NAV1: variants seen among roughly 807,000 people sequenced by gnomAD.
NAV1 encodes the protein neuron navigator 1, also known as pore membrane and/or filament interacting like protein 3.
A neutral mutation model predicts 175.2 loss-of-function variants in NAV1; 18 were observed. The ratio of observed to expected loss-of-function variants is 0.10; its 90% CI spans 0.07 to 0.15. The LOEUF is 0.15. Ranked by LOEUF, NAV1 falls within the 10% of genes least tolerant of loss-of-function variation. The probability of loss-of-function intolerance (pLI) is 1.00; values close to 1 mark genes in which losing one functional copy is unlikely to be tolerated. For missense variants in NAV1, 1,731 were observed against 2,436.6 expected (o/e 0.71, Z 6.10); for synonymous variants, 897 against 978.7 (o/e 0.92, Z 1.56).
chr1:201,637,944 T>C (rs1211551347), intron 2 of NAV1, among the ~76,000 whole-genome samples: 1 of 152,202 alleles, frequency 6.6e-6, no homozygotes, highest in Non-Finnish European at 1.5e-5. Flanking sequence ...GAAAAGCACA[T>C]GTGGGAAACA....
intron 1 of NAV1, among the ~76,000 whole-genome samples, chr1:201,554,041 T>A (rs1315999395): frequency 6.6e-6 from 1 of 152,220 alleles, no homozygotes; most frequent in Non-Finnish European, 1.5e-5. Context: ...AACTTCCCCA[T>A]TTCTGTGTCT....
At chr1:201,658,577 A>G (rs1455721186) in intron 1 of NAV1, among the ~76,000 whole-genome samples, 1 of 151,996 alleles carries the variant, frequency 6.6e-6, no homozygotes, top group Non-Finnish European at 1.5e-5. Flanking sequence ...AGGAGATGAG[A>G]TCAGAAAAAC....
intron 1 of NAV1, among the ~76,000 whole-genome samples, chr1:201,668,919 G>A (rs191424007): frequency 4.6e-5 from 7 of 152,280 alleles, no homozygotes; most frequent in African/African-American, 1.4e-4. Flanking sequence ...GCCATGGGCG[G>A]TGTGCTGAGA....
chr1:201,588,045 G>A (rs551936384), intron 1 of NAV1, among the ~76,000 whole-genome samples: 10 of 152,208 alleles, frequency 6.6e-5, no homozygotes, highest in Non-Finnish European at 1.3e-4. Context: ...AGATACACTT[G>A]AGCCAGCAAT....
intron 3 of NAV1, among the ~76,000 whole-genome samples, chr1:201,777,937 A>AAG (rs901589563): frequency 6.6e-6 from 1 of 151,818 alleles, no homozygotes; most frequent in African/African-American, 2.4e-5. Context: ...GAAAGAAAGA[A>AAG]AGAGAGAGAG....
At chr1:201,809,617 C>A in intron 22 of NAV1, 80 bp downstream of exon 26, 1 of 1,355,026 alleles carries the variant, frequency 7.4e-7, no homozygotes, top group Non-Finnish European at 1.0e-6. Flanking sequence ...GGGTCTCACT[C>A]TTGCCACCCA....
chr1:201,667,411 G>C (rs1190929214), intron 1 of NAV1, among the ~76,000 whole-genome samples: 1 of 152,198 alleles, frequency 6.6e-6, no homozygotes, highest in Non-Finnish European at 1.5e-5. Context: ...GTGGGACCAT[G>C]TCAGAGCCAG....
chr1:201,734,270 T>A (rs1019355484), intron 3 of NAV1, among the ~76,000 whole-genome samples: 2 of 151,788 alleles, frequency 1.3e-5, no homozygotes, highest in Non-Finnish European at 2.9e-5. Flanking sequence ...TAGCTGGCGA[T>A]GATGGCTTGC....
At chr1:201,646,322 G>A (rs528117973), upstream of NAV1, among the ~76,000 whole-genome samples, 1 of 152,314 alleles carries the variant, frequency 6.6e-6, no homozygotes, top group South Asian at 2.1e-4. Context: ...AGATGGTACA[G>A]AATCCTCTTG....
intron 1 of NAV1, among the ~76,000 whole-genome samples, chr1:201,667,888 G>A (rs1669889321): frequency 6.6e-6 from 1 of 152,198 alleles, no homozygotes; most frequent in African/African-American, 2.4e-5. Context: ...TGCCCCAAGT[G>A]TAGGGACATG....
chr1:201,783,652 G>A (rs1469418962), exon 7 of NAV1: 1 of 1,614,198 alleles, frequency 6.2e-7, no homozygotes. Context: ...GTTTCAGTGT[G>A]CCAAAAGAGA....
At position 201,551,307 on chromosome 1, in the gene NAV1, C is replaced by T. The variant is rs553368002; in HGVS notation, c.-144+11965C>T. Among the ~76,000 whole-genome samples the T allele has an allele frequency of 3.9e-5, 6 of 152,242 alleles. No homozygotes were observed. In the South Asian group the frequency reaches 1.0e-3, roughly 26 times the overall value. On this transcript the variant is annotated intron_variant, in intron 1 of 33. Transcript: ENST00000685211. ...GCAGTGATGCAATCATAGCTTACTGCAGCCTCAACCTCTCAGGCTCAAGCG... is the reference window on the plus strand; with the variant it reads ...GCAGTGATGCAATCATAGCTTACTGTAGCCTCAACCTCTCAGGCTCAAGCG...
chr1:201,569,988 G>A (rs1296653189), intron 1 of NAV1, among the ~76,000 whole-genome samples: 2 of 152,162 alleles, frequency 1.3e-5, no homozygotes, highest in Non-Finnish European at 2.9e-5. Flanking sequence ...TTATTGTGAG[G>A]ATCAAATGAG....
At chr1:201,773,662 A>G (rs894292619) in intron 3 of NAV1, among the ~76,000 whole-genome samples, 3 of 152,180 alleles carry the variant, frequency 2.0e-5, no homozygotes, top group African/African-American at 7.2e-5. Flanking sequence ...TAAGTTTTTG[A>G]TAGAGCAATG....
intron 1 of NAV1, among the ~76,000 whole-genome samples, chr1:201,667,578 A>G (rs572564480): frequency 3.9e-4 from 60 of 152,206 alleles, no homozygotes; most frequent in African/African-American, 1.4e-3. Context: ...CTTGGTTCTT[A>G]TTTTAGACAG....
intron 3 of NAV1, among the ~76,000 whole-genome samples, chr1:201,726,258 T>C (rs1373578228): frequency 2.0e-5 from 3 of 152,240 alleles, no homozygotes; most frequent in African/African-American, 7.2e-5. Context: ...TTTGTTCATT[T>C]GTAAAAAAGG....
chr1:201,749,761 C>T (rs1673989645), intron 3 of NAV1, among the ~76,000 whole-genome samples: 1 of 152,138 alleles, frequency 6.6e-6, no homozygotes, highest in Non-Finnish European at 1.5e-5. Context: ...ATTAGCCAGG[C>T]ATGGTGACAC....
At chr1:201,724,487 G>A (rs1672519005) in intron 3 of NAV1, 2 of 152,298 alleles carry the variant, frequency 1.3e-5, no homozygotes, top group Non-Finnish European at 2.9e-5. Context: ...GTGAATGGGT[G>A]AGCTGTGTCT....
intron 1 of NAV1, among the ~76,000 whole-genome samples, chr1:201,570,441 G>T (rs1447155583): frequency 6.6e-6 from 1 of 152,228 alleles, no homozygotes; most frequent in Non-Finnish European, 1.5e-5. Context: ...CTGCAGATGG[G>T]AAAGGGCTCT....
Sources: gnomAD v4.1 joint callset for allele counts (sites outside exome capture counted in the v4.1 genomes callset) on GRCh38, gnomAD v4.1.1 for gene constraint, MANE v1.5 for transcripts, NCBI Gene and HGNC (gene_info 2026-07-23, HGNC 2026-07-21) for gene names.